Variants in PAX8 observed in about 807,000 individuals in gnomAD.
PAX8 encodes the protein paired box 8.
In PAX8, 15 loss-of-function variants were observed where a neutral mutation model predicts 52.4. The observed-to-expected ratio is 0.29, with a 90% CI of 0.19 to 0.44. PAX8 has a LOEUF of 0.44. PAX8 is among the 20% of genes least tolerant of loss of function. The probability of loss-of-function intolerance (pLI) is 1.00; values close to 1 mark genes in which losing one functional copy is unlikely to be tolerated. For missense variants in PAX8, 554 were observed against 602.5 expected (o/e 0.92, Z 0.84); for synonymous variants, 284 against 249.7 (o/e 1.14, Z -1.29).
intron 5 of PAX8, 122 bp downstream of exon 5, chr2:113,242,568 A>G: frequency 1.3e-6 from 1 of 792,616 alleles, no homozygotes. Context: ...GGGTTTGTGA[A>G]TGGTACTGTG....
chr2:113,241,135 G>T, intron 7 of PAX8: 1 of 341,024 alleles, frequency 2.9e-6, no homozygotes. Context: ...GGGGCCATGA[G>T]TAATGCAAGA....
chr2:113,220,714 T>G (rs1689228552), intron 10 of PAX8, among the ~76,000 whole-genome samples: 2 of 152,058 alleles, frequency 1.3e-5, no homozygotes, highest in African/African-American at 2.4e-5. Flanking sequence ...GTGTGTGTGT[T>G]TGTGTGCATG....
At chr2:113,237,057 G>A (rs1459638732) in intron 7 of PAX8, 5 of 309,274 alleles carry the variant, frequency 1.6e-5, no homozygotes, top group Non-Finnish European at 3.0e-5. Context: ...CGGTGCCAAG[G>A]ACTGGAGCAG....
At chr2:113,229,787 G>A (rs1006209191) in intron 9 of PAX8, among the ~76,000 whole-genome samples, 2 of 152,194 alleles carry the variant, frequency 1.3e-5, no homozygotes, top group South Asian at 2.1e-4. Context: ...ATGAAGCACC[G>A]GCTAGGCAAG....
chr2:113,218,410 C>G lies in PAX8; in HGVS notation c.*123G>C. The G allele has an allele frequency of 1.8e-6, 1 of 570,590 alleles. No homozygotes were observed. Among genetic ancestry groups the G allele is most frequent in the East Asian group, 3.0e-5 (1 of 33,478 alleles). 35.3% of individuals were successfully genotyped at this position (570,590 alleles called of 1,614,324 possible). A position where few individuals can be genotyped will look rare whatever the true frequency, so the allele number is the denominator to read the frequency against. On this transcript the variant is annotated 3_prime_UTR_variant, in exon 12 of 12. Coordinates refer to ENST00000429538, the MANE Select transcript of PAX8 (RefSeq NM_003466.4). ...TAAATTAACCACACAGGGAGTGTGC[C>G]GCAATGCTGGACTTGTGGTTATTTT...
At position 113,241,719 on chromosome 2, in the gene PAX8, C is replaced by T. The variant is rs1232563946; in HGVS notation, c.609G>A (p.Gln203=). The change falls in exon 7 of 12, where the codon CAG becomes CAA. Residue 203 remains glutamine, a synonymous_variant. Transcript: ENST00000429538. Reference sequence around the variant, plus strand: ...AGTCAATGCTTAGTCGGCAGCTATCCTGATCACCTGGTACCCCCCGGGAAG... The same window carrying T: ...AGTCAATGCTTAGTCGGCAGCTATCTTGATCACCTGGTACCCCCCGGGAAG... ...SDKRKMDDSD[Q]DSCRLSIDSQ... 19 of 1,613,934 alleles carry T rather than the reference C, an allele frequency of 1.2e-5. No individual in the cohort carries two copies. Among genetic ancestry groups the T allele is most frequent in the Non-Finnish European group, 1.6e-5 (19 of 1,180,004 alleles).
In PAX8 at chr2:113,244,695, A is replaced by C. The variant is rs1239361076; in HGVS notation, c.192-71T>G. On this transcript the variant is annotated intron_variant, in intron 3 of 11. Transcript: ENST00000429538. Reference sequence around the variant, plus strand: ...GGTCTTTAGACAGGGATTTAGCCAGAGCCTCCCTCCTCTCTGAGGCTTCTG... The same window carrying C: ...GGTCTTTAGACAGGGATTTAGCCAGCGCCTCCCTCCTCTCTGAGGCTTCTG... 8 of 1,412,458 alleles carry C rather than the reference A, an allele frequency of 5.7e-6. No homozygotes were observed. In the African/African-American group the frequency reaches 7.0e-5, roughly 12 times the overall value. 87.5% of individuals were successfully genotyped at this position (1,412,458 alleles called of 1,614,324 possible).
chr2:113,221,800 G>C (rs1393646574), intron 10 of PAX8, among the ~76,000 whole-genome samples: 1 of 152,110 alleles, frequency 6.6e-6, no homozygotes, highest in Non-Finnish European at 1.5e-5. Flanking sequence ...ATGAAGAGGA[G>C]CAGCCTAAAG....
chr2:113,229,292 A>C (rs1313574599), intron 9 of PAX8, among the ~76,000 whole-genome samples: 1 of 152,190 alleles, frequency 6.6e-6, no homozygotes. Flanking sequence ...AAAAAAAAAC[A>C]TAGCTGTAGG....
rs537201719 is a variant in PAX8, at chr2:113,234,745, C to A, written c.1087+649G>T. The stretch of plus-strand genomic sequence containing the variant: ...ATCTTGGCCAGGCTGGTCTTGAACT[C>A]TTGACCTTGTGATCCACCTGCCTCG... On this transcript the variant is annotated intron_variant, in intron 9 of 11. Coordinates refer to ENST00000429538, the MANE Select transcript of PAX8 (RefSeq NM_003466.4). 7.2e-5 allele frequency among the ~76,000 whole-genome samples: 11 copies of A among 152,180 alleles called. No individual in the cohort carries two copies. The South Asian group carries it at 2.1e-3, about 29-fold the overall frequency.
rs75700747 is a variant in PAX8, at chr2:113,242,425, C to T, written c.478+265G>A. Among the ~76,000 whole-genome samples, 1,001 of 152,186 alleles carry T rather than the reference C, an allele frequency of 6.6e-3. 15 individuals carry two copies. Among genetic ancestry groups the T allele is most frequent in the African/African-American group, 0.023 (935 of 41,524 alleles). ...CCCTGGAGGGGCTCAGGTCCTTCCT[C>T]CAGGGGGCCTCCTGGTGGGAGGGAT... On this transcript the variant is annotated intron_variant, in intron 5 of 11. Transcript: ENST00000429538.
chr2:113,223,328 T>C (rs1042576254), intron 10 of PAX8, among the ~76,000 whole-genome samples: 2 of 152,206 alleles, frequency 1.3e-5, no homozygotes, highest in African/African-American at 2.4e-5. Context: ...TTGCTGGCTT[T>C]GCAACCAAAA....
chr2:113,244,348 A>C, intron 4 of PAX8, 79 bp downstream of exon 4: 2 of 1,093,238 alleles, frequency 1.8e-6, no homozygotes, highest in Non-Finnish European at 2.8e-6. Context: ...CACCCAAGCC[A>C]GGCCTTTCTT....
Position 113,218,317 on chromosome 2 carries a change from C to T in PAX8, c.*216G>A. 2.5e-6 allele frequency: 1 copy of T among 404,964 alleles called. No homozygotes were observed. The highest frequency in any genetic ancestry group is 4.4e-6 in the Non-Finnish European group (1 of 229,620). The allele number at this position is 404,964 out of a possible 1,614,324, so 25.1% of individuals were successfully genotyped here. A position where few individuals can be genotyped will look rare whatever the true frequency, so the allele number is the denominator to read the frequency against. On this transcript the variant is annotated 3_prime_UTR_variant, in exon 12 of 12. Transcript: ENST00000429538. ...TGGTTCTCTTTCCCTGGGACTCCTG[C>T]CCCTCATTAAGGAGTCTTGGAGGAC... is the stretch of plus-strand genomic sequence containing the variant.
At position 113,235,267 on chromosome 2, in the gene PAX8, G is replaced by C. The variant is rs1245865785; in HGVS notation, c.1087+127C>G. On this transcript the variant is annotated intron_variant, in intron 9 of 11. Coordinates refer to ENST00000429538, the MANE Select transcript of PAX8 (RefSeq NM_003466.4). ...CATGTTGGCGCCTCCAAAAGTTGCC[G>C]GAGGAATTAGGGAACAGGGTGGGGG... The C allele has an allele frequency of 3.9e-6, 3 of 776,634 alleles. No homozygotes were observed. In the East Asian group the frequency reaches 8.3e-5, roughly 22 times the overall value. 48.1% of individuals were successfully genotyped at this position (776,634 alleles called of 1,614,324 possible).
At chr2:113,246,985 A>G (rs1329635423) in intron 2 of PAX8, 66 bp from the exon 3 acceptor site, 2 of 1,429,166 alleles carry the variant, frequency 1.4e-6, no homozygotes, top group Non-Finnish European at 1.9e-6. Context: ...GGGATTAGCT[A>G]TGAGTACAGG....
chr2:113,231,724 CTTTA>C lies in PAX8; in HGVS notation c.1087+3666_1087+3669del, dbSNP rs762492180. ...ATGTGGCCTCAACTTCCTTCTCTTT[CTTTA>C]TTATTTTTTTCTTTTTTGAGATGGA... On this transcript the variant is annotated intron_variant, in intron 9 of 11. Transcript: ENST00000429538. Among the ~76,000 whole-genome samples the C allele has an allele frequency of 2.8e-4, 43 of 152,036 alleles. 1 individual carries two copies. Among genetic ancestry groups the C allele is most frequent in the Non-Finnish European group, 5.4e-4 (37 of 68,006 alleles).
At chr2:113,235,021 A>G (rs1418864730) in intron 9 of PAX8, among the ~76,000 whole-genome samples, 9 of 152,238 alleles carry the variant, frequency 5.9e-5, no homozygotes, top group African/African-American at 2.2e-4. Flanking sequence ...TAGAAATTTG[A>G]TCCAGAAATG....
intron 2 of PAX8, chr2:113,274,572 C>G (rs1199503899): frequency 6.6e-6 from 1 of 152,066 alleles, no homozygotes. Flanking sequence ...TCTCCTTATT[C>G]TTTCACTCCT....
Sources: gnomAD v4.1 joint callset for allele counts (sites outside exome capture counted in the v4.1 genomes callset) on GRCh38, gnomAD v4.1.1 for gene constraint, MANE v1.5 for transcripts, NCBI Gene and HGNC (gene_info 2026-07-23, HGNC 2026-07-21) for gene names.